The following PAX2 variants were observed in gnomAD, a reference collection of about 807,000 sequenced individuals.
PAX2 encodes the protein paired box protein Pax-2.
A neutral mutation model predicts 41.7 loss-of-function variants in PAX2; 9 were observed. The observed-to-expected ratio is 0.22, with a 90% CI of 0.13 to 0.38. The LOEUF (loss-of-function observed/expected upper bound fraction) is 0.38. Among genes scored for constraint, PAX2 ranks in the 10% least tolerant of loss-of-function variants. The pLI is 1.00. For synonymous variants in PAX2, 221 were observed against 212.7 expected (o/e 1.04, Z -0.34); for missense variants, 418 against 531.6 (o/e 0.79, Z 2.10).
In PAX2 at chr10:100,746,008, T is replaced by G; in HGVS notation, c.-253T>G. On this transcript the variant is annotated 5_prime_UTR_variant, in exon 1 of 10. Transcript: ENST00000355243. Reference sequence around the variant, plus strand: ...CCGGCCCACCGCCCCGGGGCCATTCTGCTGACCGCCCAGCCCCGAGCCCCG... The same window carrying G: ...CCGGCCCACCGCCCCGGGGCCATTCGGCTGACCGCCCAGCCCCGAGCCCCG... 2 of 1,384,836 alleles carry G rather than the reference T, an allele frequency of 1.4e-6. No individual in the cohort carries two copies. The highest frequency in any genetic ancestry group is 1.9e-6 in the Non-Finnish European group (2 of 1,075,670). The allele number at this position is 1,384,836 out of a possible 1,614,324, so 85.8% of individuals were successfully genotyped here.
chr10:100,739,422 G>A (rs1401305020), intron 1 of PAX2, among the ~76,000 whole-genome samples: 1 of 152,192 alleles, frequency 6.6e-6, no homozygotes, highest in Non-Finnish European at 1.5e-5. Flanking sequence ...CACAGCTGCT[G>A]GGAGAGGAGG....
In PAX2 at chr10:100,747,829, G is replaced by T. The variant is rs542673078; in HGVS notation, c.43+1526G>T. 4.3e-5 allele frequency: 42 copies of T among 985,056 alleles called. No individual in the cohort carries two copies. The East Asian group carries it at 3.7e-3, about 86-fold the overall frequency. The allele number at this position is 985,056 out of a possible 1,614,324, so 61.0% of individuals were successfully genotyped here. ...AGGAGTGGAACCGGGTCCACACGCC[G>T]TTTTCGCCCAGCCAGCCTGCCTCGC... On this transcript the variant is annotated intron_variant, in intron 1 of 9. Coordinates refer to ENST00000355243, the MANE Select transcript of PAX2 (RefSeq NM_000278.5).
At chr10:100,792,437 C>T (rs1022891362) in intron 5 of PAX2, among the ~76,000 whole-genome samples, 21 of 152,190 alleles carry the variant, frequency 1.4e-4, no homozygotes, top group Admixed American at 2.6e-4. Flanking sequence ...ATGGCTTCTG[C>T]GACATACCTC....
intron 1 of PAX2, chr10:100,747,003 T>G (rs1409245681): frequency 6.6e-6 from 1 of 152,278 alleles, no homozygotes; most frequent in Non-Finnish European, 1.5e-5. Context: ...CCCTTCACAT[T>G]GGGAATCCCA....
Position 100,754,463 on chromosome 10 carries a change from G to A in PAX2, c.410+3572G>A, listed in dbSNP as rs536667235. 5.5e-4 allele frequency among the ~76,000 whole-genome samples: 84 copies of A among 152,258 alleles called. No homozygotes were observed. In the Middle Eastern group the frequency reaches 0.014, roughly 25 times the overall value. ...ACCCTGGCAGAATCAACTTCTCACG[G>A]ATCTCCCACTATCCACACTCTCTCT... is the stretch of plus-strand genomic sequence containing the variant. On this transcript the variant is annotated intron_variant, in intron 3 of 9. Coordinates refer to ENST00000355243, the MANE Select transcript of PAX2 (RefSeq NM_000278.5).
chr10:100,790,842 A>T (rs969904454), intron 5 of PAX2, among the ~76,000 whole-genome samples: 2 of 152,066 alleles, frequency 1.3e-5, no homozygotes, highest in African/African-American at 2.4e-5. Flanking sequence ...ATTTTGCCCC[A>T]TTGGGGTGGA....
At chr10:100,783,148 G>A (rs564663249) in intron 5 of PAX2, among the ~76,000 whole-genome samples, 1 of 152,344 alleles carries the variant, frequency 6.6e-6, no homozygotes, top group South Asian at 2.1e-4. Context: ...CCCAGAACAG[G>A]GCGCTCTCCT....
chr10:100,756,104 G>C (rs529060540), intron 3 of PAX2, among the ~76,000 whole-genome samples: 2 of 152,122 alleles, frequency 1.3e-5, no homozygotes, highest in African/African-American at 2.4e-5. Context: ...ATGTGCTTGC[G>C]GACTAGAATG....
At chr10:100,746,526 T>G (rs1845181584) in intron 1 of PAX2, among the ~76,000 whole-genome samples, 1 of 152,214 alleles carries the variant, frequency 6.6e-6, no homozygotes, top group Admixed American at 6.5e-5. Flanking sequence ...TCTGCCTGCC[T>G]TCCTACCTTC....
At chr10:100,772,896 G>C (rs1322454705) in intron 3 of PAX2, among the ~76,000 whole-genome samples, 1 of 152,188 alleles carries the variant, frequency 6.6e-6, no homozygotes, top group African/African-American at 2.4e-5. Flanking sequence ...TGACATACTT[G>C]GAGATCCAAT....
chr10:100,819,045 G>A (rs1488152087), intron 7 of PAX2, among the ~76,000 whole-genome samples: 3 of 151,932 alleles, frequency 2.0e-5, no homozygotes, highest in Non-Finnish European at 4.4e-5. Context: ...TCAGGAGTTC[G>A]AGACCAGCCT....
In PAX2 at chr10:100,825,000, T is replaced by G; in HGVS notation, c.1021+251T>G. ...GCAACCCACTGTATGTCATGGCCCCTCCACAGCGCCCACCCACCCAAGTCT... is the reference window on the plus strand; with the variant it reads ...GCAACCCACTGTATGTCATGGCCCCGCCACAGCGCCCACCCACCCAAGTCT... On this transcript the variant is annotated intron_variant, in intron 8 of 9. Coordinates refer to ENST00000355243, the MANE Select transcript of PAX2 (RefSeq NM_000278.5). The surrounding 1 kb of genome is among the most constrained non-coding windows in gnomAD (Gnocchi z 6.6). 3.1e-6 allele frequency: 5 copies of G among 1,605,498 alleles called. No individual in the cohort carries two copies. Among genetic ancestry groups the G allele is most frequent in the Non-Finnish European group, 4.3e-6 (5 of 1,172,442 alleles).
chr10:100,753,035 T>G (rs2133841228), intron 3 of PAX2, among the ~76,000 whole-genome samples: 1 of 152,236 alleles, frequency 6.6e-6, no homozygotes, highest in East Asian at 1.9e-4. Context: ...CAGAGCCCTA[T>G]CACCTGAGGG....
chr10:100,747,186 A>G lies in PAX2; in HGVS notation c.43+883A>G, dbSNP rs1589807464. 5.3e-5 allele frequency: 8 copies of G among 152,238 alleles called. No individual in the cohort carries two copies. In the South Asian group the frequency reaches 1.7e-3, roughly 32 times the overall value. 9.4% of individuals were successfully genotyped at this position (152,238 alleles called of 1,614,324 possible). On this transcript the variant is annotated intron_variant, in intron 1 of 9. Transcript: ENST00000355243. ...TCTCAGCTCTGGAGGCTCCTTGCCTAGACTGCCGACTCCCCATTGAGGATC... is the reference window on the plus strand; with the variant it reads ...TCTCAGCTCTGGAGGCTCCTTGCCTGGACTGCCGACTCCCCATTGAGGATC...
chr10:100,799,789 C>CTTTTT (rs56012188), intron 5 of PAX2, among the ~76,000 whole-genome samples: 10 of 89,908 alleles, frequency 1.1e-4, no homozygotes, highest in African/African-American at 2.2e-4. Flanking sequence ...TAGTGTAATT[C>CTTTTT]TTTTTTTTTT....
chr10:100,758,975 G>A (rs189070635), intron 3 of PAX2, among the ~76,000 whole-genome samples: 78 of 152,338 alleles, frequency 5.1e-4, no homozygotes, highest in African/African-American at 1.8e-3. Context: ...CAGAAAGTGA[G>A]GATGAGGACT....
rs1450631300 is a variant in PAX2, at chr10:100,824,892, C to G, written c.1021+143C>G. 7 of 1,612,490 alleles carry G rather than the reference C, an allele frequency of 4.3e-6. No individual in the cohort carries two copies. Among genetic ancestry groups the G allele is most frequent in the Non-Finnish European group, 5.9e-6 (7 of 1,178,512 alleles). On this transcript the variant is annotated intron_variant, in intron 8 of 9. Coordinates refer to ENST00000355243, the MANE Select transcript of PAX2 (RefSeq NM_000278.5). This position sits in a 1 kb window ranked among gnomAD's most constrained non-coding sequence, Gnocchi z 6.6. ...CAAACCACTGCTATTCTGTCCCTCT[C>G]TCTCCTTAGAGGCTGCAGTTGGTCC... is the stretch of plus-strand genomic sequence containing the variant.
At chr10:100,774,314 C>T (rs1157152534) in intron 3 of PAX2, among the ~76,000 whole-genome samples, 3 of 152,160 alleles carry the variant, frequency 2.0e-5, no homozygotes, top group African/African-American at 7.2e-5. Context: ...GGCCTCCCCA[C>T]CTGCCCTGTC....
chr10:100,807,864 C>T (rs977594867), intron 6 of PAX2, among the ~76,000 whole-genome samples: 1 of 152,228 alleles, frequency 6.6e-6, no homozygotes, highest in Non-Finnish European at 1.5e-5. Flanking sequence ...CTTAAGACTC[C>T]AACAGCTCCC....
Sources: allele counts gnomAD v4.1 joint callset (sites outside exome capture counted in the v4.1 genomes callset), GRCh38; gene constraint gnomAD v4.1.1; non-coding constraint Gnocchi (gnomAD v3.1); transcripts MANE v1.5; gene names NCBI Gene and HGNC (gene_info 2026-07-23, HGNC 2026-07-21).